The following ALCAM variants were observed in gnomAD, a reference collection of about 807,000 sequenced individuals.
ALCAM encodes CD166 antigen.
In ALCAM, 30 loss-of-function variants were observed where a neutral mutation model predicts 70.9. The ratio of observed to expected loss-of-function variants is 0.42; its 90% confidence interval spans 0.32 to 0.57. ALCAM has a LOEUF of 0.57. Among genes scored for constraint, ALCAM ranks in the 20% least tolerant of loss-of-function variants. The probability of loss-of-function intolerance (pLI) is 0.11; values close to 1 mark genes in which losing one functional copy is unlikely to be tolerated. For missense variants in ALCAM, 591 were observed against 695.1 expected (o/e 0.85, Z 1.68); for synonymous variants, 249 against 242.5 (o/e 1.03, Z -0.25).
chr3:105,452,667 C>G (rs1396064605), intron 1 of ALCAM, among the ~76,000 whole-genome samples: 1 of 152,138 alleles, frequency 6.6e-6, no homozygotes, highest in Non-Finnish European at 1.5e-5. Flanking sequence ...TCCACAATGG[C>G]TGAACTAGTT....
At chr3:105,369,737 G>A (rs1249241729) in intron 1 of ALCAM, among the ~76,000 whole-genome samples, 1 of 152,058 alleles carries the variant, frequency 6.6e-6, no homozygotes, top group Non-Finnish European at 1.5e-5. Flanking sequence ...CAGTTGTAGA[G>A]GTCAAAAACT....
At chr3:105,403,710 C>G (rs1936150382) in intron 1 of ALCAM, among the ~76,000 whole-genome samples, 1 of 151,656 alleles carries the variant, frequency 6.6e-6, no homozygotes, top group South Asian at 2.1e-4. Context: ...ATCAGCTCAC[C>G]AGCAATGGAT....
chr3:105,389,371 GTTTTTT>G (rs371987714), intron 1 of ALCAM, among the ~76,000 whole-genome samples: 7 of 58,188 alleles, frequency 1.2e-4, no homozygotes, highest in East Asian at 1.4e-3. Flanking sequence ...TATATACATA[GTTTTTT>G]TTTTTTTTTT....
intron 1 of ALCAM, among the ~76,000 whole-genome samples, chr3:105,437,859 A>G (rs999948657): frequency 2.0e-5 from 3 of 152,156 alleles, no homozygotes; most frequent in Admixed American, 6.5e-5. Flanking sequence ...GCTATAAATA[A>G]GAAGAGATTC....
At chr3:105,440,419 CT>C in intron 1 of ALCAM, among the ~76,000 whole-genome samples, 1 of 152,238 alleles carries the variant, frequency 6.6e-6, no homozygotes, top group African/African-American at 2.4e-5. Flanking sequence ...TCTTATTTTG[CT>C]TAAATTTTGA....
At chr3:105,568,070 T>A (rs568510116) in intron 14 of ALCAM, among the ~76,000 whole-genome samples, 2,566 of 147,260 alleles carry the variant, frequency 0.017, 61 homozygotes, top group African/African-American at 0.058. Flanking sequence ...TTTATTTTTT[T>A]TTTTTTTTGA....
intron 1 of ALCAM, among the ~76,000 whole-genome samples, chr3:105,435,222 A>C (rs1937024377): frequency 6.6e-6 from 1 of 152,236 alleles, no homozygotes; most frequent in African/African-American, 2.4e-5. Context: ...CAAAAATATA[A>C]GATTAATTAT....
At chr3:105,376,246 G>T (rs951679979) in intron 1 of ALCAM, among the ~76,000 whole-genome samples, 2 of 152,050 alleles carry the variant, frequency 1.3e-5, no homozygotes, top group African/African-American at 2.4e-5. Flanking sequence ...TTTTTGTTTA[G>T]CCCCCCATTT....
chr3:105,513,077 A>G (rs13323843), intron 1 of ALCAM, among the ~76,000 whole-genome samples: 16,649 of 149,852 alleles, frequency 0.11, 1,079 homozygotes, highest in African/African-American at 0.18. Context: ...CTTTCTGCCT[A>G]TCCCCCCCAA....
intron 14 of ALCAM, among the ~76,000 whole-genome samples, chr3:105,559,283 TA>T (rs1940583419): frequency 6.8e-6 from 1 of 145,994 alleles, no homozygotes; most frequent in Admixed American, 6.9e-5. Flanking sequence ...TATACACATA[TA>T]TAATATATAC....
intron 1 of ALCAM, among the ~76,000 whole-genome samples, chr3:105,409,532 G>A (rs955949311): frequency 2.0e-5 from 3 of 151,926 alleles, no homozygotes; most frequent in Admixed American, 6.6e-5. Context: ...TAAGAATGAC[G>A]CATTGGACTT....
chr3:105,491,786 C>G (rs903042774), intron 1 of ALCAM, among the ~76,000 whole-genome samples: 1 of 152,192 alleles, frequency 6.6e-6, no homozygotes, highest in Non-Finnish European at 1.5e-5. Context: ...GTCCATATCA[C>G]TATCATCATT....
intron 14 of ALCAM, among the ~76,000 whole-genome samples, chr3:105,567,118 G>A (rs913426959): frequency 6.6e-6 from 1 of 151,998 alleles, no homozygotes; most frequent in African/African-American, 2.4e-5. Flanking sequence ...GACATCACCT[G>A]TTATTTATGT....
At chr3:105,451,379 GA>G (rs944429673) in intron 1 of ALCAM, among the ~76,000 whole-genome samples, 5 of 152,014 alleles carry the variant, frequency 3.3e-5, no homozygotes. Context: ...AAGCAAGAAA[GA>G]GAAAGAAGGA....
chr3:105,494,047 G>A lies in ALCAM; in HGVS notation c.74-26020G>A, dbSNP rs547579124. Among the ~76,000 whole-genome samples, 5 of 140,614 alleles carry A rather than the reference G, an allele frequency of 3.6e-5. No individual in the cohort carries two copies. In the Admixed American group the frequency reaches 3.7e-4, roughly 11 times the overall value. 92.2% of individuals were successfully genotyped at this position (140,614 alleles called of 152,430 possible). On this transcript the variant is annotated intron_variant, in intron 1 of 15. Coordinates refer to ENST00000306107, the MANE Select transcript of ALCAM (RefSeq NM_001627.4). Reference sequence around the variant, plus strand: ...GATGTCCTTAAAATTATTAGAAAACGTATATCTCAAAACAATTTAAGAGTT... The same window carrying A: ...GATGTCCTTAAAATTATTAGAAAACATATATCTCAAAACAATTTAAGAGTT...
intron 1 of ALCAM, among the ~76,000 whole-genome samples, chr3:105,379,948 A>G (rs907037490): frequency 1.3e-5 from 2 of 151,788 alleles, no homozygotes; most frequent in Non-Finnish European, 3.0e-5. Context: ...AAGTAGGTAT[A>G]CTCTTGAGAA....
intron 12 of ALCAM, among the ~76,000 whole-genome samples, chr3:105,550,772 C>T (rs1940381780): frequency 6.6e-6 from 1 of 151,404 alleles, no homozygotes; most frequent in South Asian, 2.1e-4. Context: ...ATCTAGTTTA[C>T]AAAACTGTTC....
intron 1 of ALCAM, among the ~76,000 whole-genome samples, chr3:105,464,809 T>C (rs1286291466): frequency 6.6e-6 from 1 of 151,390 alleles, no homozygotes; most frequent in Non-Finnish European, 1.5e-5. Flanking sequence ...TTGAAGAATA[T>C]TTTAAAAATA....
At position 105,367,358 on chromosome 3, in the gene ALCAM, C is replaced by G; in HGVS notation, c.-51C>G. On this transcript the variant is annotated 5_prime_UTR_variant, in exon 1 of 16. Coordinates refer to ENST00000306107, the MANE Select transcript of ALCAM (RefSeq NM_001627.4). ...GCACCGCGGGGCCCGGGACGACGCCCCCTCCTGCGGCGTGGACTCCGTCAG... is the reference window on the plus strand; with the variant it reads ...GCACCGCGGGGCCCGGGACGACGCCGCCTCCTGCGGCGTGGACTCCGTCAG... 6.3e-7 allele frequency: 1 copy of G among 1,595,670 alleles called. No homozygotes were observed. Among genetic ancestry groups the G allele is most frequent in the African/African-American group, 1.3e-5 (1 of 74,328 alleles).
Sources: allele counts gnomAD v4.1 joint callset (sites outside exome capture counted in the v4.1 genomes callset), GRCh38; gene constraint gnomAD v4.1.1; transcripts MANE v1.5; gene names NCBI Gene and HGNC (gene_info 2026-07-23, HGNC 2026-07-21).